The following SENP7 variants were observed in gnomAD, a reference collection of about 807,000 sequenced individuals.
SENP7 encodes SUMO specific peptidase 7.
In SENP7, 64 loss-of-function variants were observed where a neutral mutation model predicts 141.2. The observed-to-expected ratio is 0.45, with a 90% CI of 0.37 to 0.56. SENP7 has a LOEUF of 0.56. Ranked by LOEUF, SENP7 falls within the 20% of genes least tolerant of loss-of-function variation. The pLI, the probability that SENP7 is intolerant of heterozygous loss-of-function variation, is 0.00. For synonymous variants in SENP7, 382 were observed against 426.4 expected (o/e 0.90, Z 1.28); for missense variants, 1,025 against 1,212.2 (o/e 0.85, Z 2.29).
At chr3:101,429,959 C>T (rs961024450) in intron 4 of SENP7, among the ~76,000 whole-genome samples, 5 of 151,958 alleles carry the variant, frequency 3.3e-5, no homozygotes, top group African/African-American at 4.8e-5. Flanking sequence ...TGGTTTTTGT[C>T]GTTGGTTCTG....
intron 3 of SENP7, among the ~76,000 whole-genome samples, chr3:101,475,292 C>T (rs1036040470): frequency 1.3e-5 from 2 of 152,012 alleles, no homozygotes; most frequent in Non-Finnish European, 2.9e-5. Context: ...AACCAAGACA[C>T]GGAATCATCC....
intron 3 of SENP7, among the ~76,000 whole-genome samples, chr3:101,481,374 G>A (rs1049504571): frequency 1.3e-5 from 2 of 152,180 alleles, no homozygotes; most frequent in African/African-American, 4.8e-5. Flanking sequence ...GTTAAGTGAA[G>A]TAAGCCAGAA....
In SENP7 at chr3:101,332,848, C is replaced by A; in HGVS notation, c.2495G>T (p.Arg832Ile). 6.3e-7 allele frequency: 1 copy of A among 1,577,306 alleles called. No homozygotes were observed. The highest frequency in any genetic ancestry group is 1.4e-5 in the African/African-American group (1 of 72,978). The change falls in exon 18 of 24, where the codon AGA (arginine) becomes ATA (isoleucine). Residue 832 changes from arginine to isoleucine, a missense_variant. Arg to Ile is a moderately conservative substitution (Grantham distance 97). This residue lies in a region of SENP7 where 295 missense variants were observed against 459.1 expected (regional missense o/e 0.64). Transcript: ENST00000394095. ...DNPNLSMAQR[R>I]HKRVRTWTRH... is the part of the protein sequence containing the mutation. ...AGTCCATGTTCTTACTCTTTTATGTCTTCTCTGTGCCATTCTGAGAGTATG... is the reference window on the plus strand; with the variant it reads ...AGTCCATGTTCTTACTCTTTTATGTATTCTCTGTGCCATTCTGAGAGTATG...
At chr3:101,420,453 C>T (rs1206444941) in intron 4 of SENP7, among the ~76,000 whole-genome samples, 3 of 152,190 alleles carry the variant, frequency 2.0e-5, no homozygotes, top group African/African-American at 7.2e-5. Context: ...GGAACACAAG[C>T]TTACTAAAGA....
At chr3:101,474,505 C>A (rs1224871843) in intron 3 of SENP7, among the ~76,000 whole-genome samples, 3 of 152,116 alleles carry the variant, frequency 2.0e-5, no homozygotes, top group African/African-American at 7.2e-5. Context: ...TATAGGAGTG[C>A]TAGTGATTTT....
intron 5 of SENP7, among the ~76,000 whole-genome samples, chr3:101,410,325 G>T (rs1328054436): frequency 3.3e-5 from 5 of 152,136 alleles, no homozygotes; most frequent in South Asian, 2.1e-4. Flanking sequence ...CTACACTGCT[G>T]GTGGGAATGT....
intron 6 of SENP7, among the ~76,000 whole-genome samples, chr3:101,395,250 T>A (rs76844267): frequency 6.6e-6 from 1 of 152,254 alleles, no homozygotes; most frequent in Non-Finnish European, 1.5e-5. Flanking sequence ...ATGTCCCCTA[T>A]GTTTTCTTCC....
intron 11 of SENP7, among the ~76,000 whole-genome samples, chr3:101,361,483 A>AT (rs1235377733): frequency 6.6e-6 from 1 of 151,880 alleles, no homozygotes; most frequent in Admixed American, 6.6e-5. Flanking sequence ...AATACATGTG[A>AT]TTTTTTTTCA....
chr3:101,401,700 C>T (rs933035473), intron 5 of SENP7, among the ~76,000 whole-genome samples: 1 of 152,172 alleles, frequency 6.6e-6, no homozygotes, highest in Non-Finnish European at 1.5e-5. Context: ...GAGCAAGATA[C>T]TCTCTTCAAT....
At chr3:101,472,945 GT>G (rs1220363380) in intron 3 of SENP7, among the ~76,000 whole-genome samples, 1 of 152,002 alleles carries the variant, frequency 6.6e-6, no homozygotes, top group African/African-American at 2.4e-5. Context: ...AGCATGTGTT[GT>G]CCCCTTCTGT....
chr3:101,348,125 C>A, intron 12 of SENP7, 74 bp from the exon 13 acceptor site: 1 of 872,796 alleles, frequency 1.1e-6, no homozygotes, highest in Non-Finnish European at 1.7e-6. Flanking sequence ...TTATATGACA[C>A]TTGTTAATAC....
At chr3:101,334,712 A>C (rs932681354) in intron 17 of SENP7, among the ~76,000 whole-genome samples, 1 of 152,198 alleles carries the variant, frequency 6.6e-6, no homozygotes, top group African/African-American at 2.4e-5. Flanking sequence ...ATAGTCTGTT[A>C]ATTTGTTTTC....
chr3:101,403,026 G>A (rs1185544911), intron 5 of SENP7, among the ~76,000 whole-genome samples: 3 of 152,158 alleles, frequency 2.0e-5, no homozygotes, highest in Non-Finnish European at 4.4e-5. Flanking sequence ...CTTCCGGAAA[G>A]GATTCATCAT....
intron 6 of SENP7, among the ~76,000 whole-genome samples, chr3:101,392,020 C>T (rs558883304): frequency 7.2e-4 from 110 of 152,138 alleles, no homozygotes; most frequent in Non-Finnish European, 1.2e-3. Flanking sequence ...ATTCAATATC[C>T]CCCCATGATA....
chr3:101,360,953 G>A (rs979147695), intron 11 of SENP7, among the ~76,000 whole-genome samples: 17 of 152,066 alleles, frequency 1.1e-4, no homozygotes, highest in Admixed American at 3.9e-4. Context: ...CCTGTAATCC[G>A]AGCACTTTGG....
At chr3:101,470,176 G>A (rs1267437951) in intron 3 of SENP7, among the ~76,000 whole-genome samples, 6 of 152,028 alleles carry the variant, frequency 3.9e-5, no homozygotes, top group African/African-American at 1.4e-4. Flanking sequence ...ACTACAGAAG[G>A]AAGAGCAAAC....
chr3:101,398,333 G>A (rs910191557), intron 6 of SENP7, among the ~76,000 whole-genome samples: 1 of 152,142 alleles, frequency 6.6e-6, no homozygotes, highest in Non-Finnish European at 1.5e-5. Flanking sequence ...GGTGGCACGT[G>A]CCTGTAGTCC....
At chr3:101,327,928 AT>A in intron 22 of SENP7, 112 bp from the exon 23 acceptor site, 1 of 805,394 alleles carries the variant, frequency 1.2e-6, no homozygotes, top group Non-Finnish European at 1.9e-6. Flanking sequence ...CTCAAGCCAA[AT>A]TTCCACACTG....
chr3:101,429,576 A>C (rs1202328039), intron 4 of SENP7, among the ~76,000 whole-genome samples: 1 of 152,152 alleles, frequency 6.6e-6, no homozygotes, highest in Non-Finnish European at 1.5e-5. Context: ...TTCTCAGCTT[A>C]AGGAGATTTT....
Sources: allele counts gnomAD v4.1 joint callset (sites outside exome capture counted in the v4.1 genomes callset), GRCh38; gene constraint gnomAD v4.1.1; regional missense constraint gnomAD v4.1.1; transcripts MANE v1.5; gene names NCBI Gene and HGNC (gene_info 2026-07-23, HGNC 2026-07-21).